The following NTRK2 variants were observed in gnomAD, a reference collection of about 807,000 sequenced individuals.
The protein encoded by NTRK2 is BDNF/NT-3 growth factors receptor.
In NTRK2, 13 loss-of-function variants were observed where a neutral mutation model predicts 94.5. That is an observed-to-expected ratio of 0.14 (90% CI 0.09 to 0.22). NTRK2 has a LOEUF of 0.22. Among genes scored for constraint, NTRK2 ranks in the 10% least tolerant of loss-of-function variants. The pLI is 1.00. For synonymous variants in NTRK2, 372 were observed against 407.4 expected (o/e 0.91, Z 1.05); for missense variants, 639 against 1,071.2 (o/e 0.60, Z 5.63).
At chr9:84,797,627 T>TA (rs1223763728) in intron 12 of NTRK2, among the ~76,000 whole-genome samples, 2 of 59,212 alleles carry the variant, frequency 3.4e-5, no homozygotes, top group Non-Finnish European at 5.7e-5. Context: ...ATACTATATA[T>TA]TATATATTAT....
intron 13 of NTRK2, among the ~76,000 whole-genome samples, chr9:84,866,693 G>A (rs1432730493): frequency 1.3e-5 from 2 of 152,250 alleles, no homozygotes; most frequent in East Asian, 3.9e-4. Flanking sequence ...TAAATATAGA[G>A]CTACCATATG....
chr9:84,746,636 C>T (rs2064103367), intron 11 of NTRK2, among the ~76,000 whole-genome samples: 1 of 152,096 alleles, frequency 6.6e-6, no homozygotes, highest in African/African-American at 2.4e-5. Flanking sequence ...TGACCTCGTC[C>T]TTCCCGAGCT....
intron 12 of NTRK2, among the ~76,000 whole-genome samples, chr9:84,832,631 A>G (rs10868228): frequency 0.52 from 79,292 of 151,962 alleles, 21,102 homozygotes; most frequent in African/African-American, 0.63. Context: ...ATTAATGTCT[A>G]TGGCTCCAGC....
At chr9:84,912,964 A>G (rs1481293166) in intron 14 of NTRK2, among the ~76,000 whole-genome samples, 1 of 152,162 alleles carries the variant, frequency 6.6e-6, no homozygotes, top group Non-Finnish European at 1.5e-5. Context: ...TAGATAGCAT[A>G]TAGTCAGGTC....
intron 2 of NTRK2, among the ~76,000 whole-genome samples, chr9:84,681,300 C>T (rs893636793): frequency 1.3e-5 from 2 of 152,166 alleles, no homozygotes; most frequent in Non-Finnish European, 2.9e-5. Context: ...TGAATGGCAC[C>T]ATTATCCACT....
At chr9:84,877,002 A>G (rs2076090550) in intron 14 of NTRK2, 1 of 1,061,778 alleles carries the variant, frequency 9.4e-7, no homozygotes, top group Admixed American at 5.4e-5. Context: ...TATTGGTGAT[A>G]CATAGCTATG....
At chr9:85,004,840 G>T (rs912060787) in intron 17 of NTRK2, among the ~76,000 whole-genome samples, 2 of 152,184 alleles carry the variant, frequency 1.3e-5, no homozygotes, top group East Asian at 3.8e-4. Context: ...GAATATTGGG[G>T]AAATAATTAG....
chr9:84,764,885 G>A (rs954084263), intron 12 of NTRK2, among the ~76,000 whole-genome samples: 6 of 152,172 alleles, frequency 3.9e-5, no homozygotes, highest in African/African-American at 7.2e-5. Flanking sequence ...CCATAAAAAG[G>A]AATGAGATTC....
chr9:84,788,348 A>G (rs966267805), intron 12 of NTRK2, among the ~76,000 whole-genome samples: 2 of 152,250 alleles, frequency 1.3e-5, no homozygotes, highest in African/African-American at 4.8e-5. Flanking sequence ...CCAGCCTGTC[A>G]TTTCTCAAAC....
At chr9:84,747,594 C>T (rs1411842276) in intron 11 of NTRK2, among the ~76,000 whole-genome samples, 2 of 151,274 alleles carry the variant, frequency 1.3e-5, no homozygotes, top group African/African-American at 4.9e-5. Context: ...TCTCCTGCCT[C>T]AGCCTCCCGA....
chr9:84,858,678 C>T (rs553694882), intron 12 of NTRK2, among the ~76,000 whole-genome samples: 1 of 151,878 alleles, frequency 6.6e-6, no homozygotes, highest in Non-Finnish European at 1.5e-5. Flanking sequence ...ATGGCTCATC[C>T]TCCACCGAGA....
chr9:84,843,587 C>T (rs985734933), intron 12 of NTRK2, among the ~76,000 whole-genome samples: 1 of 152,152 alleles, frequency 6.6e-6, no homozygotes, highest in African/African-American at 2.4e-5. Flanking sequence ...AAAGGTGTGG[C>T]TCTCCAAAGG....
At chr9:84,930,315 G>A (rs1462644414) in intron 14 of NTRK2, among the ~76,000 whole-genome samples, 1 of 152,182 alleles carries the variant, frequency 6.6e-6, no homozygotes, top group Non-Finnish European at 1.5e-5. Context: ...GAGCCTTTCT[G>A]AGCTCGGCCC....
intron 17 of NTRK2, among the ~76,000 whole-genome samples, chr9:84,978,696 T>G (rs1827210105): frequency 6.6e-6 from 1 of 152,218 alleles, no homozygotes; most frequent in African/African-American, 2.4e-5. Flanking sequence ...GAGGATGCCA[T>G]CTGGGCTATG....
At chr9:84,800,053 T>C (rs1455383682) in intron 12 of NTRK2, among the ~76,000 whole-genome samples, 1 of 152,216 alleles carries the variant, frequency 6.6e-6, no homozygotes, top group South Asian at 2.1e-4. Flanking sequence ...GTTTGGTTCA[T>C]TTAGCTGCTG....
intron 2 of NTRK2, among the ~76,000 whole-genome samples, chr9:84,690,192 G>A (rs919599872): frequency 4.6e-5 from 7 of 152,120 alleles, no homozygotes; most frequent in Admixed American, 2.0e-4. Context: ...CTGAAAAATT[G>A]TGCCAATATC....
chr9:84,910,118 T>C (rs1188478240), intron 14 of NTRK2, among the ~76,000 whole-genome samples: 1 of 152,210 alleles, frequency 6.6e-6, no homozygotes, highest in East Asian at 1.9e-4. Flanking sequence ...TTATACACAA[T>C]GTGAGACTTA....
chr9:84,761,711 A>G (rs924897692), intron 12 of NTRK2, among the ~76,000 whole-genome samples: 2 of 152,212 alleles, frequency 1.3e-5, no homozygotes, highest in African/African-American at 2.4e-5. Context: ...TGGAGCCAAC[A>G]CTAAATATCC....
At chr9:84,911,875 C>T (rs1034658666) in intron 14 of NTRK2, among the ~76,000 whole-genome samples, 11 of 151,960 alleles carry the variant, frequency 7.2e-5, no homozygotes, top group African/African-American at 2.7e-4. Context: ...TTTCCTCCTC[C>T]TAGTGCAAGC....
Sources: gnomAD v4.1 joint callset for allele counts (sites outside exome capture counted in the v4.1 genomes callset) on GRCh38, gnomAD v4.1.1 for gene constraint, MANE v1.5 for transcripts, NCBI Gene and HGNC (gene_info 2026-07-23, HGNC 2026-07-21) for gene names.